KIAA0319L: variants seen among roughly 807,000 people sequenced by gnomAD.
KIAA0319L encodes KIAA0319 like.
A neutral mutation model predicts 120.1 loss-of-function variants in KIAA0319L; 55 were observed. That is an observed-to-expected ratio of 0.46 (90% CI 0.37 to 0.57). The LOEUF is 0.57. Among genes scored for constraint, KIAA0319L ranks in the 20% least tolerant of loss-of-function variants. The pLI is 0.00. For missense variants in KIAA0319L, 1,049 were observed against 1,255.3 expected (o/e 0.84, Z 2.48); for synonymous variants, 398 against 471.9 (o/e 0.84, Z 2.03).
intron 2 of KIAA0319L, among the ~76,000 whole-genome samples, chr1:35,539,242 CA>C (rs1646702195): frequency 6.6e-6 from 1 of 152,140 alleles, no homozygotes; most frequent in African/African-American, 2.4e-5. Flanking sequence ...ACAGCTCAAT[CA>C]AAACAGCTTG....
At chr1:35,491,084 A>T (rs1380851526) in intron 3 of KIAA0319L, among the ~76,000 whole-genome samples, 2 of 152,232 alleles carry the variant, frequency 1.3e-5, no homozygotes, top group Non-Finnish European at 2.9e-5. Context: ...GCAATGTGAG[A>T]ACAGACTAAT....
intron 3 of KIAA0319L, among the ~76,000 whole-genome samples, chr1:35,480,381 G>A (rs1644112730): frequency 1.3e-5 from 2 of 152,212 alleles, no homozygotes; most frequent in Non-Finnish European, 2.9e-5. Context: ...TAGCGTATGG[G>A]TTTGAAGAAG....
At chr1:35,498,529 T>C (rs2148376848) in intron 3 of KIAA0319L, among the ~76,000 whole-genome samples, 1 of 152,310 alleles carries the variant, frequency 6.6e-6, no homozygotes, top group African/African-American at 2.4e-5. Flanking sequence ...TCATATTCTC[T>C]TTCTCCATCT....
intron 3 of KIAA0319L, among the ~76,000 whole-genome samples, chr1:35,484,632 C>A (rs1277595216): frequency 6.6e-6 from 1 of 151,558 alleles, no homozygotes; most frequent in African/African-American, 2.4e-5. Context: ...TCTTTCATTT[C>A]TTTTTCTTGC....
intron 2 of KIAA0319L, among the ~76,000 whole-genome samples, chr1:35,527,357 T>G (rs1646188967): frequency 6.6e-6 from 1 of 152,174 alleles, no homozygotes; most frequent in African/African-American, 2.4e-5. Flanking sequence ...CTTTTTTTGT[T>G]ATGTCTCTGC....
chr1:35,461,703 T>C (rs1174237525), intron 8 of KIAA0319L, among the ~76,000 whole-genome samples: 2 of 152,238 alleles, frequency 1.3e-5, no homozygotes, highest in African/African-American at 2.4e-5. Flanking sequence ...TACATTTGCA[T>C]ATTTATTTAA....
chr1:35,485,437 A>G (rs1203137), intron 3 of KIAA0319L, among the ~76,000 whole-genome samples: 50,310 of 152,144 alleles, frequency 0.33, 14,251 homozygotes, highest in East Asian at 0.78. Context: ...ATCTATCTGT[A>G]TATTGCCTGA....
intron 6 of KIAA0319L, among the ~76,000 whole-genome samples, chr1:35,468,599 G>C (rs1171654720): frequency 1.3e-5 from 2 of 152,080 alleles, no homozygotes; most frequent in African/African-American, 4.8e-5. Flanking sequence ...TTCTCCTTCT[G>C]TGCTCCTCAT....
chr1:35,475,794 A>G (rs1411257777), intron 4 of KIAA0319L, among the ~76,000 whole-genome samples: 2 of 152,166 alleles, frequency 1.3e-5, no homozygotes, highest in Non-Finnish European at 2.9e-5. Context: ...CCCATATCAT[A>G]TTTAAGGACA....
In KIAA0319L at chr1:35,479,220, A is replaced by G. The variant is rs201001376; in HGVS notation, c.667-8T>C. On this transcript the variant is annotated splice_polypyrimidine_tract_variant and splice_region_variant and intron_variant, in intron 3 of 20. Transcript: ENST00000325722. Reference sequence around the variant, plus strand: ...TGTAATCGCCTTGTGGACCTAAAGAAATAAAAAAACTAATTTGAGTAGGTA... The same window carrying G: ...TGTAATCGCCTTGTGGACCTAAAGAGATAAAAAAACTAATTTGAGTAGGTA... The G allele has an allele frequency of 1.2e-6, 2 of 1,605,956 alleles. No homozygotes were observed. The highest frequency in any genetic ancestry group is 2.7e-5 in the African/African-American group (2 of 74,750).
chr1:35,495,876 A>C (rs541015677), intron 3 of KIAA0319L, among the ~76,000 whole-genome samples: 2 of 152,148 alleles, frequency 1.3e-5, no homozygotes, highest in South Asian at 4.1e-4. Flanking sequence ...AAAAAAAAAA[A>C]AAAACATGAA....
At chr1:35,553,035 C>A (rs146875095) in intron 2 of KIAA0319L, among the ~76,000 whole-genome samples, 2,509 of 151,564 alleles carry the variant, frequency 0.017, 67 homozygotes, top group African/African-American at 0.058. Flanking sequence ...TGCAGTGAGC[C>A]GAGATTGTGC....
chr1:35,453,533 T>C lies in KIAA0319L; in HGVS notation c.1913+24A>G. 6.2e-7 allele frequency: 1 copy of C among 1,612,758 alleles called. No homozygotes were observed. The highest frequency in any genetic ancestry group is 8.5e-7 in the Non-Finnish European group (1 of 1,179,072). ...CCAAGGTCTGGAGGCTTTGCAAAAA[T>C]AAGGATTTTGTGTCAATACTCACTG... On this transcript the variant is annotated intron_variant, in intron 12 of 20. Transcript: ENST00000325722. This position sits in a 1 kb window ranked among gnomAD's most constrained non-coding sequence, Gnocchi z 4.1.
At chr1:35,547,421 C>T (rs1334816485) in intron 2 of KIAA0319L, among the ~76,000 whole-genome samples, 1 of 151,518 alleles carries the variant, frequency 6.6e-6, no homozygotes. Flanking sequence ...CATATGTTCA[C>T]ACAAAAATGT....
At chr1:35,457,524 TA>T (rs965501756) in intron 9 of KIAA0319L, among the ~76,000 whole-genome samples, 19 of 135,740 alleles carry the variant, frequency 1.4e-4, no homozygotes, top group Non-Finnish European at 2.3e-4. Flanking sequence ...AGAAAGAAAA[TA>T]AAAAAAAATG....
At chr1:35,441,692 A>C (rs1641233357) in intron 19 of KIAA0319L, among the ~76,000 whole-genome samples, 1 of 152,130 alleles carries the variant, frequency 6.6e-6, no homozygotes, top group Admixed American at 6.5e-5. Context: ...TATGGCACAC[A>C]GTATACACAG....
chr1:35,516,265 C>A (rs762373820), intron 2 of KIAA0319L, among the ~76,000 whole-genome samples: 24 of 152,126 alleles, frequency 1.6e-4, no homozygotes, highest in Non-Finnish European at 2.9e-4. Flanking sequence ...AACTTCAGGC[C>A]AATATCCTTG....
Position 35,506,062 on chromosome 1 carries a change from T to C in KIAA0319L, c.666+550A>G, listed in dbSNP as rs2148400464. ...TAATAAGCAGAATAAACTCTACTGGTGGTATCTCCCTTGGCATATACAGCT... is the reference window on the plus strand; with the variant it reads ...TAATAAGCAGAATAAACTCTACTGGCGGTATCTCCCTTGGCATATACAGCT... On this transcript the variant is annotated intron_variant, in intron 3 of 20. Coordinates refer to ENST00000325722, the MANE Select transcript of KIAA0319L (RefSeq NM_024874.5). This position sits in a 1 kb window ranked among gnomAD's most constrained non-coding sequence, Gnocchi z 4.0. Among the ~76,000 whole-genome samples the C allele has an allele frequency of 6.6e-6, 1 of 152,324 alleles. No homozygotes were observed. The highest frequency in any genetic ancestry group is 2.4e-5 in the African/African-American group (1 of 41,564).
rs1190460911 is a variant in KIAA0319L at position 35,437,098 on chromosome 1, C to G, written c.2963-2017G>C. On this transcript the variant is annotated intron_variant, in intron 20 of 20. Coordinates refer to ENST00000325722, the MANE Select transcript of KIAA0319L (RefSeq NM_024874.5). This position sits in a 1 kb window ranked among gnomAD's most constrained non-coding sequence, Gnocchi z 4.1. ...TAGACACTGCCCACAAGAGACCAGC[C>G]CTGCTGCCCTCACCTGGTCGCACGT... Among the ~76,000 whole-genome samples, 2 of 152,202 alleles carry G rather than the reference C, an allele frequency of 1.3e-5. No individual in the cohort carries two copies. Among genetic ancestry groups the G allele is most frequent in the Non-Finnish European group, 2.9e-5 (2 of 68,042 alleles).
Sources: gnomAD v4.1 joint callset for allele counts (sites outside exome capture counted in the v4.1 genomes callset) on GRCh38, gnomAD v4.1.1 for gene constraint, Gnocchi (gnomAD v3.1) non-coding constraint, MANE v1.5 for transcripts, NCBI Gene and HGNC (gene_info 2026-07-23, HGNC 2026-07-21) for gene names.